Variants in BAZ1B observed in about 807,000 individuals in gnomAD.
BAZ1B encodes bromodomain adjacent to zinc finger domain 1B, also known as tyrosine-protein kinase BAZ1B.
Under a neutral mutation model 153.8 loss-of-function variants are expected in BAZ1B, and 22 were observed. That is an observed-to-expected ratio of 0.14 (90% CI 0.10 to 0.20). The LOEUF (loss-of-function observed/expected upper bound fraction) is 0.20, where lower values mean the gene tolerates loss of function less well. Ranked by LOEUF, BAZ1B falls within the 10% of genes least tolerant of loss-of-function variation. The pLI, the probability that BAZ1B is intolerant of heterozygous loss-of-function variation, is 1.00. For synonymous variants in BAZ1B, 676 were observed against 633.4 expected (o/e 1.07, Z -1.01); for missense variants, 1,325 against 1,799.3 (o/e 0.74, Z 4.77).
At chr7:73,470,618 T>C (rs546011974) in intron 7 of BAZ1B, 135 bp from the exon 8 acceptor site, 1 of 1,075,678 alleles carries the variant, frequency 9.3e-7, no homozygotes, top group East Asian at 2.6e-5. Context: ...CTAATTCTAA[T>C]CTGTTACAAG....
chr7:73,489,646 G>A lies in BAZ1B; in HGVS notation c.694-255C>T, dbSNP rs547386748. ...CCTGGGCAATATAACAAGACCCTCT[G>A]TGTACAAAAATCAAAATACGCCAAT... is the stretch of plus-strand genomic sequence containing the variant. On this transcript the variant is annotated intron_variant, in intron 5 of 19. Coordinates refer to ENST00000339594, the MANE Select transcript of BAZ1B (RefSeq NM_032408.4). Among the ~76,000 whole-genome samples, 10 of 152,242 alleles carry A rather than the reference G, an allele frequency of 6.6e-5. No homozygotes were observed. In the East Asian group the frequency reaches 1.9e-3, roughly 29 times the overall value.
At chr7:73,493,316 C>T (rs368744027) in intron 4 of BAZ1B, among the ~76,000 whole-genome samples, 2 of 151,608 alleles carry the variant, frequency 1.3e-5, no homozygotes, top group East Asian at 1.9e-4. Context: ...CAAAATTAGC[C>T]GGGCTTGGTG....
intron 6 of BAZ1B, among the ~76,000 whole-genome samples, chr7:73,484,034 G>A (rs536468572): frequency 1.1e-4 from 17 of 152,296 alleles, no homozygotes; most frequent in African/African-American, 3.8e-4. Context: ...TTGGGAGGCC[G>A]AGGCTGGTGG....
At chr7:73,447,140 T>G (rs1263334577) in intron 16 of BAZ1B, 124 bp downstream of exon 16, 1 of 1,556,544 alleles carries the variant, frequency 6.4e-7, no homozygotes, top group African/African-American at 1.4e-5. Flanking sequence ...TACGCCACAG[T>G]CACAACACAA....
rs782030882 is a variant in BAZ1B, at chr7:73,508,494, C to T, written c.225-23G>A. ...AAACTAAATAAATGTAATTAGTTAT[C>T]AAGAAAACACAGAAACACCTACCCA... On this transcript the variant is annotated intron_variant, in intron 2 of 19. Transcript: ENST00000339594. 8.2e-6 allele frequency: 13 copies of T among 1,584,776 alleles called. No individual in the cohort carries two copies. In the South Asian group the frequency reaches 1.4e-4, roughly 17 times the overall value.
rs868933339 is a variant in BAZ1B, at chr7:73,508,382, G to A, written c.314C>T (p.Thr105Ile). Residue 105 changes from threonine (T) to isoleucine (I), a missense_variant, in exon 3 of 20, where the codon ACT becomes ATT. This residue lies in a region of BAZ1B where 153 missense variants were observed against 204.8 expected (regional missense o/e 0.75). Transcript: ENST00000339594. ...NTASLEKLVD[T>I]AWLEIMTKYA... Reference sequence around the variant, plus strand: ...TTTGGTCATGATCTCCAACCAAGCAGTATCTACTAACTTCTCTAAGGAGGC... The same window carrying A: ...TTTGGTCATGATCTCCAACCAAGCAATATCTACTAACTTCTCTAAGGAGGC... 1 of 1,613,932 alleles carries A rather than the reference G, an allele frequency of 6.2e-7. No homozygotes were observed. Among genetic ancestry groups the A allele is most frequent in the Non-Finnish European group, 8.5e-7 (1 of 1,179,986 alleles).
chr7:73,521,942 C>CGGCGGT lies in BAZ1B; in HGVS notation c.-15_-10dup. ...CCCAGGAGCGGCGCCATCGCGGCGG[C>CGGCGGT]GGCGGTGGGGACTGGCGGCTGCTGG... On this transcript the variant is annotated 5_prime_UTR_variant, in exon 1 of 20. Transcript: ENST00000339594. 11 of 1,438,544 alleles carry CGGCGGT rather than the reference C, an allele frequency of 7.6e-6. No individual in the cohort carries two copies. The highest frequency in any genetic ancestry group is 1.0e-5 in the Non-Finnish European group (11 of 1,086,202). The allele number at this position is 1,438,544 out of a possible 1,614,324, so 89.1% of individuals were successfully genotyped here.
chr7:73,505,511 T>C (rs1022683904), intron 3 of BAZ1B, among the ~76,000 whole-genome samples: 31 of 152,142 alleles, frequency 2.0e-4, no homozygotes, highest in African/African-American at 7.5e-4. Flanking sequence ...ACTACCACCC[T>C]GCAGACTGTT....
intron 4 of BAZ1B, among the ~76,000 whole-genome samples, chr7:73,495,569 T>C (rs1789842290): frequency 6.6e-6 from 1 of 152,024 alleles, no homozygotes; most frequent in Non-Finnish European, 1.5e-5. Context: ...GAGATATGAG[T>C]GACCAACAGT....
chr7:73,442,625 G>A, intron 18 of BAZ1B, 72 bp from the exon 19 acceptor site: 1 of 1,555,674 alleles, frequency 6.4e-7, no homozygotes, highest in Non-Finnish European at 8.7e-7. Flanking sequence ...GACACGTCCT[G>A]AAAAGCAAGG....
At position 73,463,061 on chromosome 7, in the gene BAZ1B, T is replaced by G. The variant is rs1554570628; in HGVS notation, c.3110A>C (p.Lys1037Thr). The change falls in exon 12 of 20, where the codon AAG (lysine) becomes ACG (threonine). Residue 1037 changes from lysine to threonine, a missense_variant. Transcript: ENST00000339594. ...DIIHSIHLAR[K>T]PNLGLKSCDG... ...ACAAGATTTTAGACCCAAATTTGGCTTCCGTGCTAGATGAATAGAGTGAAT... is the reference window on the plus strand; with the variant it reads ...ACAAGATTTTAGACCCAAATTTGGCGTCCGTGCTAGATGAATAGAGTGAAT... 1 of 1,613,854 alleles carries G rather than the reference T, an allele frequency of 6.2e-7. No individual in the cohort carries two copies. The highest frequency in any genetic ancestry group is 8.5e-7 in the Non-Finnish European group (1 of 1,179,944).
intron 7 of BAZ1B, among the ~76,000 whole-genome samples, chr7:73,471,954 C>T (rs1442691261): frequency 6.6e-6 from 1 of 150,596 alleles, no homozygotes; most frequent in Non-Finnish European, 1.5e-5. Context: ...TACAAACAAA[C>T]ATAAACCAAC....
intron 1 of BAZ1B, among the ~76,000 whole-genome samples, chr7:73,517,278 A>G (rs1229464942): frequency 6.6e-6 from 1 of 152,096 alleles, no homozygotes; most frequent in Non-Finnish European, 1.5e-5. Flanking sequence ...GGATCACTTG[A>G]GGCTAGAAAT....
chr7:73,494,260 G>GT (rs1789782079), intron 4 of BAZ1B, among the ~76,000 whole-genome samples: 1 of 152,060 alleles, frequency 6.6e-6, no homozygotes, highest in South Asian at 2.1e-4. Context: ...GCACGTGCCT[G>GT]TAATCCCAGC....
chr7:73,507,240 G>A (rs1297500090), intron 3 of BAZ1B: 4 of 152,074 alleles, frequency 2.6e-5, no homozygotes, highest in African/African-American at 9.7e-5. Flanking sequence ...TAATGAAACT[G>A]GAATAATATG....
At chr7:73,461,448 T>C (rs1172629803) in intron 12 of BAZ1B, among the ~76,000 whole-genome samples, 1 of 152,184 alleles carries the variant, frequency 6.6e-6, no homozygotes, top group African/African-American at 2.4e-5. Flanking sequence ...CAGCAAGATA[T>C]AGGCCTGAAT....
chr7:73,511,059 C>CAGG, intron 1 of BAZ1B, among the ~76,000 whole-genome samples: 1 of 151,954 alleles, frequency 6.6e-6, no homozygotes, highest in East Asian at 1.9e-4. Flanking sequence ...ATCACGAGGT[C>CAGG]AGATCGAGAC....
chr7:73,445,104 C>T (rs1787782985), intron 16 of BAZ1B, among the ~76,000 whole-genome samples: 1 of 152,094 alleles, frequency 6.6e-6, no homozygotes, highest in South Asian at 2.1e-4. Context: ...ACCATCAAGC[C>T]AACTGGCATT....
intron 2 of BAZ1B, among the ~76,000 whole-genome samples, chr7:73,510,444 A>G (rs1402697355): frequency 2.6e-5 from 4 of 152,200 alleles, no homozygotes; most frequent in Admixed American, 1.3e-4. Flanking sequence ...GAAAAAGCAA[A>G]AAAGAATAAA....
Sources: gnomAD v4.1 joint callset for allele counts (sites outside exome capture counted in the v4.1 genomes callset) on GRCh38, gnomAD v4.1.1 for gene constraint, gnomAD v4.1.1 regional missense constraint, MANE v1.5 for transcripts, NCBI Gene and HGNC (gene_info 2026-07-23, HGNC 2026-07-21) for gene names.